MAGI2: variants seen among roughly 807,000 people sequenced by gnomAD.
MAGI2 encodes membrane associated guanylate kinase, WW and PDZ domain containing 2.
MAGI2 carries 35 observed loss-of-function variants against 133.3 expected under a neutral mutation model. That is an observed-to-expected ratio of 0.26 (90% CI 0.20 to 0.35). MAGI2 has a LOEUF of 0.35. Ranked by LOEUF, MAGI2 falls within the 10% of genes least tolerant of loss-of-function variation. MAGI2 has a pLI of 1.00. For synonymous variants in MAGI2, 729 were observed against 710.6 expected, an observed-to-expected ratio of 1.03 and a Z score of -0.41; for missense variants, 1,636 against 1,863.4, an observed-to-expected ratio of 0.88 and a Z score of 2.25.
intron 1 of MAGI2, among the ~76,000 whole-genome samples, chr7:79,389,995 A>G (rs974950328): frequency 6.6e-6 from 1 of 152,198 alleles, no homozygotes; most frequent in Non-Finnish European, 1.5e-5. Context: ...TAGGGTTTTT[A>G]TGAAATTTAT....
intron 20 of MAGI2, among the ~76,000 whole-genome samples, chr7:78,108,956 A>G (rs1228161143): frequency 6.6e-6 from 1 of 152,088 alleles, no homozygotes; most frequent in African/African-American, 2.4e-5. Context: ...TTGGAGGAAT[A>G]GAGTAGCATA....
intron 1 of MAGI2, among the ~76,000 whole-genome samples, chr7:79,247,224 A>G (rs1832890702): frequency 6.6e-6 from 1 of 152,208 alleles, no homozygotes; most frequent in African/African-American, 2.4e-5. Flanking sequence ...TTCACTGGTA[A>G]TAGTAAATAC....
chr7:79,066,398 C>T lies in MAGI2; in HGVS notation c.302-59192G>A, dbSNP rs188719584. On this transcript the variant is annotated intron_variant, in intron 1 of 21. Coordinates refer to ENST00000354212, the MANE Select transcript of MAGI2 (RefSeq NM_012301.4). ...GAAGTGTCTGTTCATATCCTTCACC[C>T]ACTTTTTGATGGGGTTATTTTTTTT... Among the ~76,000 whole-genome samples the T allele has an allele frequency of 3.8e-3, 585 of 152,052 alleles. 2 individuals carry two copies. Among genetic ancestry groups the T allele is most frequent in the Non-Finnish European group, 7.3e-3 (497 of 67,984 alleles).
intron 1 of MAGI2, among the ~76,000 whole-genome samples, chr7:79,432,239 G>T (rs1159549010): frequency 5.3e-5 from 8 of 152,284 alleles, no homozygotes; most frequent in African/African-American, 1.9e-4. Context: ...AATTTTAATA[G>T]ACAATGGAGT....
rs140816436 is a variant in MAGI2 at position 78,160,091 on chromosome 7, C to T, written c.2779G>A (p.Glu927Lys). 1.2e-6 allele frequency: 2 copies of T among 1,609,698 alleles called. No homozygotes were observed. The highest frequency in any genetic ancestry group is 1.7e-6 in the Non-Finnish European group (2 of 1,177,584). The change falls in exon 16 of 22, where the codon GAG becomes AAG. Residue 927 changes from glutamate to lysine, a missense_variant. By Grantham distance (56) the Glu-to-Lys change is moderately conservative. Around this residue, in one of 5 missense-constraint regions of MAGI2, gnomAD observed 920 missense variants for 1,093.5 expected, o/e 0.84. Transcript: ENST00000354212. ...QTSDVVIHRK[E>K]NEGFGFVIIS... ...ATGACAAAGCCGAAGCCCTCATTCT[C>T]TTTGCGGTGAATGACCACATCACTG...
At chr7:78,494,195 C>A (rs368211063) in intron 5 of MAGI2, among the ~76,000 whole-genome samples, 2 of 152,120 alleles carry the variant, frequency 1.3e-5, no homozygotes, top group East Asian at 3.9e-4. Context: ...TGAGCTCAAG[C>A]AATCTGCCTG....
intron 1 of MAGI2, among the ~76,000 whole-genome samples, chr7:79,339,903 G>A (rs1037241384): frequency 2.0e-5 from 3 of 151,950 alleles, no homozygotes; most frequent in African/African-American, 7.3e-5. Flanking sequence ...TAAATAATAT[G>A]ATCTTTTTGG....
chr7:78,810,885 A>G (rs1788984682), intron 2 of MAGI2, among the ~76,000 whole-genome samples: 1 of 152,110 alleles, frequency 6.6e-6, no homozygotes, highest in Admixed American at 6.5e-5. Flanking sequence ...AATAACTGAC[A>G]TGAGCTTTAG....
intron 2 of MAGI2, among the ~76,000 whole-genome samples, chr7:78,950,969 CTTTTTTTTT>C (rs761908445): frequency 8.0e-6 from 1 of 125,644 alleles, no homozygotes; most frequent in Non-Finnish European, 1.7e-5. Context: ...CTAACGTTAG[CTTTTTTTTT>C]TTTTTTTTTT....
chr7:79,309,621 G>A (rs942378209), intron 1 of MAGI2, among the ~76,000 whole-genome samples: 1 of 151,696 alleles, frequency 6.6e-6, no homozygotes, highest in Middle Eastern at 3.2e-3. Flanking sequence ...CACTAGACAC[G>A]GTATATAATC....
At chr7:78,543,035 C>T (rs1798541077) in intron 3 of MAGI2, among the ~76,000 whole-genome samples, 1 of 152,084 alleles carries the variant, frequency 6.6e-6, no homozygotes, top group Non-Finnish European at 1.5e-5. Flanking sequence ...ATTTCCTAAG[C>T]CCAAACTGAT....
intron 1 of MAGI2, among the ~76,000 whole-genome samples, chr7:79,013,309 C>A (rs1384484106): frequency 6.6e-6 from 1 of 152,220 alleles, no homozygotes; most frequent in East Asian, 1.9e-4. Flanking sequence ...AATCTTACAT[C>A]ATCAGTAGAC....
chr7:78,464,830 C>A (rs538790221), intron 6 of MAGI2, among the ~76,000 whole-genome samples: 48 of 151,688 alleles, frequency 3.2e-4, no homozygotes, highest in African/African-American at 1.0e-3. Context: ...TTTCAAATTC[C>A]CATACCATTA....
At chr7:78,606,633 T>G (rs1316947345) in intron 3 of MAGI2, among the ~76,000 whole-genome samples, 1 of 152,098 alleles carries the variant, frequency 6.6e-6, no homozygotes, top group Non-Finnish European at 1.5e-5. Context: ...ATGGTTTACC[T>G]CTGGTTTCTC....
chr7:79,250,132 A>G (rs186463044), intron 1 of MAGI2, among the ~76,000 whole-genome samples: 40 of 152,208 alleles, frequency 2.6e-4, no homozygotes, highest in African/African-American at 8.4e-4. Context: ...GGTATAGAAA[A>G]AACATATGTC....
chr7:78,155,054 T>G (rs1025368574), intron 16 of MAGI2, among the ~76,000 whole-genome samples: 2 of 152,226 alleles, frequency 1.3e-5, no homozygotes, highest in Admixed American at 1.3e-4. Flanking sequence ...AGTTATCTGT[T>G]TTGGTGAAGT....
chr7:78,210,940 T>G (rs1194657741), intron 10 of MAGI2, among the ~76,000 whole-genome samples: 1 of 152,162 alleles, frequency 6.6e-6, no homozygotes, highest in Non-Finnish European at 1.5e-5. Flanking sequence ...GAAGTGGGAC[T>G]GAGAAATGGT....
intron 9 of MAGI2, among the ~76,000 whole-genome samples, chr7:78,321,696 G>A (rs1199925461): frequency 2.0e-5 from 3 of 152,124 alleles, no homozygotes; most frequent in Non-Finnish European, 4.4e-5. Context: ...ATACCATTCA[G>A]GACATAGGCA....
chr7:78,214,821 GA>G (rs1788107735), intron 10 of MAGI2, among the ~76,000 whole-genome samples: 1 of 152,188 alleles, frequency 6.6e-6, no homozygotes, highest in Admixed American at 6.5e-5. Flanking sequence ...TAGGGATTAA[GA>G]ACAAACTTGT....
Sources: gnomAD v4.1 joint callset for allele counts (sites outside exome capture counted in the v4.1 genomes callset) on GRCh38, gnomAD v4.1.1 for gene constraint, gnomAD v4.1.1 regional missense constraint, MANE v1.5 for transcripts, NCBI Gene and HGNC (gene_info 2026-07-23, HGNC 2026-07-21) for gene names.